Variants in CDH22 observed in about 807,000 individuals in gnomAD.
CDH22 encodes the protein cadherin 22.
CDH22 carries 30 observed loss-of-function variants against 58.4 expected under a neutral mutation model. The observed-to-expected ratio is 0.51, with a 90% CI of 0.38 to 0.70. CDH22 has a LOEUF of 0.70. Ranked by LOEUF, CDH22 falls within the 30% of genes least tolerant of loss-of-function variation. The pLI, the probability that CDH22 is intolerant of heterozygous loss-of-function variation, is 0.00. For missense variants in CDH22, 1,014 were observed against 1,233.9 expected (o/e 0.82, Z 2.67); for synonymous variants, 513 against 558.2 (o/e 0.92, Z 1.14).
At chr20:46,211,090 T>C (rs1482736796) in intron 6 of CDH22, among the ~76,000 whole-genome samples, 1 of 152,206 alleles carries the variant, frequency 6.6e-6, no homozygotes, top group Non-Finnish European at 1.5e-5. Flanking sequence ...TTGAGCCCGA[T>C]AAGCCGGGCT....
chr20:46,208,445 C>G (rs1600697202), intron 7 of CDH22, among the ~76,000 whole-genome samples: 1 of 152,162 alleles, frequency 6.6e-6, no homozygotes, highest in East Asian at 1.9e-4. Context: ...TTCCACATTG[C>G]CAGGTCAGTC....
At chr20:46,203,212 C>T (rs2085974728) in intron 7 of CDH22, among the ~76,000 whole-genome samples, 1 of 151,922 alleles carries the variant, frequency 6.6e-6, no homozygotes, top group Non-Finnish European at 1.5e-5. Context: ...GCTGGCTGAG[C>T]CCAGGTGTTT....
intron 1 of CDH22, among the ~76,000 whole-genome samples, chr20:46,268,398 C>T (rs952648218): frequency 6.6e-6 from 1 of 152,262 alleles, no homozygotes. Context: ...GAGGTCCCAG[C>T]GATTATGCCA....
At chr20:46,229,938 C>G (rs542369851) in intron 3 of CDH22, among the ~76,000 whole-genome samples, 2 of 152,240 alleles carry the variant, frequency 1.3e-5, no homozygotes, top group East Asian at 3.9e-4. Context: ...TGGCTGCATC[C>G]CAGGGACTCC....
At chr20:46,220,645 T>G (rs573509538) in intron 4 of CDH22, 2 of 152,382 alleles carry the variant, frequency 1.3e-5, no homozygotes, top group Non-Finnish European at 2.9e-5. Context: ...GAGTGGGGGC[T>G]GGAGCAGGGG....
At chr20:46,265,369 G>C (rs996613426) in intron 1 of CDH22, among the ~76,000 whole-genome samples, 2 of 151,978 alleles carry the variant, frequency 1.3e-5, no homozygotes, top group Non-Finnish European at 1.5e-5. Context: ...ATTCAGCCTT[G>C]ATAATGAAAG....
At chr20:46,237,857 G>T (rs2086264867) in intron 3 of CDH22, among the ~76,000 whole-genome samples, 1 of 152,144 alleles carries the variant, frequency 6.6e-6, no homozygotes, top group Non-Finnish European at 1.5e-5. Flanking sequence ...AACAACCTGG[G>T]AGCCACGCCC....
chr20:46,286,206 GAGA>G (rs1334222633), intron 1 of CDH22, among the ~76,000 whole-genome samples: 12 of 152,238 alleles, frequency 7.9e-5, no homozygotes, highest in South Asian at 2.1e-4. Flanking sequence ...CTTACTCAAA[GAGA>G]AGATGAGGAA....
intron 7 of CDH22, among the ~76,000 whole-genome samples, chr20:46,200,615 ACTGAG>A: frequency 6.6e-6 from 1 of 152,252 alleles, no homozygotes; most frequent in East Asian, 1.9e-4. Flanking sequence ...TGCCCCTGGA[ACTGAG>A]CTTGAAGGCA....
At chr20:46,275,575 T>C (rs549224407) in intron 1 of CDH22, among the ~76,000 whole-genome samples, 1 of 152,322 alleles carries the variant, frequency 6.6e-6, no homozygotes, top group Admixed American at 6.5e-5. Flanking sequence ...GGAATCTTTG[T>C]TGGTTCAATT....
At chr20:46,201,004 C>T (rs1962955798) in intron 7 of CDH22, among the ~76,000 whole-genome samples, 1 of 152,216 alleles carries the variant, frequency 6.6e-6, no homozygotes, top group African/African-American at 2.4e-5. Context: ...CGTGAAAAAG[C>T]CCTTTGTTCC....
At chr20:46,255,334 G>C (rs1432925147) in intron 1 of CDH22, among the ~76,000 whole-genome samples, 1 of 152,188 alleles carries the variant, frequency 6.6e-6, no homozygotes, top group Admixed American at 6.5e-5. Context: ...TTACAGAGGG[G>C]GAAAGTAGAG....
chr20:46,190,530 T>G (rs2085856190), intron 8 of CDH22, among the ~76,000 whole-genome samples: 1 of 152,240 alleles, frequency 6.6e-6, no homozygotes, highest in African/African-American at 2.4e-5. Context: ...CCCACAGCCC[T>G]CCCCTCTTGG....
At position 46,183,783 on chromosome 20, in the gene CDH22, G is replaced by A. The variant is rs2085805671; in HGVS notation, c.1663+2805C>T. 2.0e-5 allele frequency among the ~76,000 whole-genome samples: 3 copies of A among 150,862 alleles called. No homozygotes were observed. The South Asian group carries it at 6.2e-4, about 31-fold the overall frequency. ...AGGCCACTAAGGCTCCGCATTGGGT[G>A]TGAGTGTGTAAAGGCCTTGAGAAGG... On this transcript the variant is annotated intron_variant, in intron 10 of 11. Coordinates refer to ENST00000537909, the MANE Select transcript of CDH22 (RefSeq NM_021248.3).
intron 1 of CDH22, among the ~76,000 whole-genome samples, chr20:46,307,613 G>A (rs982603617): frequency 7.2e-5 from 11 of 152,096 alleles, no homozygotes; most frequent in African/African-American, 2.7e-4. Flanking sequence ...CGCCGGTGGG[G>A]CCGGCAGGGG....
chr20:46,307,985 G>A (rs1275494314), intron 1 of CDH22, among the ~76,000 whole-genome samples: 1 of 151,758 alleles, frequency 6.6e-6, no homozygotes, highest in South Asian at 2.1e-4. Context: ...TTGTGGGGAC[G>A]GGTGGGAGCT....
At chr20:46,242,121 C>T (rs1440064398) in intron 2 of CDH22, among the ~76,000 whole-genome samples, 1 of 152,204 alleles carries the variant, frequency 6.6e-6, no homozygotes, top group Non-Finnish European at 1.5e-5. Context: ...ATGTGCCAGG[C>T]ACTGGCTAAG....
chr20:46,213,301 T>C, intron 5 of CDH22, 113 bp from the exon 6 acceptor site: 1 of 696,760 alleles, frequency 1.4e-6, no homozygotes, highest in East Asian at 2.6e-5. Flanking sequence ...GGACAGTGCC[T>C]GAAAGGGGCT....
intron 7 of CDH22, among the ~76,000 whole-genome samples, chr20:46,202,605 G>A (rs1314691320): frequency 1.3e-5 from 2 of 151,946 alleles, no homozygotes; most frequent in Non-Finnish European, 2.9e-5. Context: ...CGCCCGCCTC[G>A]GCCTCCCAAA....
Sources: allele counts gnomAD v4.1 joint callset (sites outside exome capture counted in the v4.1 genomes callset), GRCh38; gene constraint gnomAD v4.1.1; transcripts MANE v1.5; gene names NCBI Gene and HGNC (gene_info 2026-07-23, HGNC 2026-07-21).